Variants in MYO10 observed in about 807,000 individuals in gnomAD.
The protein encoded by MYO10 is unconventional myosin-X.
Under a neutral mutation model 257.3 loss-of-function variants are expected in MYO10, and 133 were observed. The observed-to-expected ratio is 0.52, with a 90% CI of 0.45 to 0.60. MYO10 has a LOEUF of 0.60. Among genes scored for constraint, MYO10 ranks in the 20% least tolerant of loss-of-function variants. The pLI is 0.00. For synonymous variants in MYO10, 1,104 were observed against 1,028.6 expected, an observed-to-expected ratio of 1.07 and a Z score of -1.40; for missense variants, 2,399 against 2,635.7, an observed-to-expected ratio of 0.91 and a Z score of 1.97.
chr5:16,796,442 C>CAGAAAGAAAGAAAGAAAGAAAGAAAGAA (rs70943805), intron 3 of MYO10, among the ~76,000 whole-genome samples: 11 of 120,762 alleles, frequency 9.1e-5, no homozygotes, highest in Admixed American at 8.4e-5. Flanking sequence ...AAAAGAAAGA[C>CAGAAAGAAAGAAAGAAAGAAAGAAAGAA]AGAAAGAAAG....
intron 29 of MYO10, among the ~76,000 whole-genome samples, chr5:16,684,506 A>C (rs1453817412): frequency 6.6e-6 from 1 of 152,206 alleles, no homozygotes; most frequent in Non-Finnish European, 1.5e-5. Context: ...GGCCTCCCAA[A>C]GTATTGGGAT....
At chr5:16,778,727 G>C (rs889985503) in intron 9 of MYO10, among the ~76,000 whole-genome samples, 3 of 130,750 alleles carry the variant, frequency 2.3e-5, no homozygotes, top group African/African-American at 9.0e-5. Context: ...GAGTCTCGCT[G>C]TCTCCCAGGC....
At chr5:16,835,268 G>T (rs1054296748) in intron 2 of MYO10, among the ~76,000 whole-genome samples, 4 of 151,964 alleles carry the variant, frequency 2.6e-5, no homozygotes, top group African/African-American at 2.4e-5. Context: ...TGGCGTGGTG[G>T]CTCATGCCTG....
At chr5:16,809,686 A>G (rs1191673920) in intron 3 of MYO10, among the ~76,000 whole-genome samples, 4 of 152,248 alleles carry the variant, frequency 2.6e-5, no homozygotes, top group African/African-American at 4.8e-5. Flanking sequence ...TTTTTGAAAC[A>G]TCTAAAAATA....
intron 33 of MYO10, among the ~76,000 whole-genome samples, chr5:16,677,439 G>A (rs1472030788): frequency 1.2e-3 from 77 of 62,688 alleles, no homozygotes; most frequent in African/African-American, 4.2e-3. Flanking sequence ...TTTTTGAGAC[G>A]GAGTCTTGCT....
At chr5:16,797,950 C>G (rs1354270289) in intron 3 of MYO10, among the ~76,000 whole-genome samples, 1 of 152,218 alleles carries the variant, frequency 6.6e-6, no homozygotes, top group Non-Finnish European at 1.5e-5. Context: ...AAGGTAAGAG[C>G]TGATTATGTC....
At chr5:16,748,292 G>T (rs10057331) in intron 19 of MYO10, among the ~76,000 whole-genome samples, 1 of 151,796 alleles carries the variant, frequency 6.6e-6, no homozygotes, top group Non-Finnish European at 1.5e-5. Context: ...TCACCCAGGC[G>T]GGAGTGCAGT....
intron 10 of MYO10, among the ~76,000 whole-genome samples, chr5:16,767,153 G>C (rs1178759648): frequency 6.8e-6 from 1 of 147,084 alleles, no homozygotes; most frequent in Non-Finnish European, 1.5e-5. Context: ...GAAGAGATAT[G>C]ACAACCCAAC....
Position 16,877,650 on chromosome 5 carries a change from A to G in MYO10, c.79T>C (p.Cys27Arg). ...CGGAAGACGACGATGCCTTCTGCAC[A>G]GGAATTTACAGTACTTGGAAAATGC... The part of the protein sequence containing the change: ...GQHFPSTVNS[C>R]AEGIVVFRTD... The change falls in exon 2 of 41, where the codon TGT becomes CGT. Residue 27 changes from cysteine to arginine, a missense_variant. This residue lies in a region of MYO10 where 242 missense variants were observed against 249.5 expected (regional missense o/e 0.97). Coordinates refer to ENST00000513610, the MANE Select transcript of MYO10 (RefSeq NM_012334.3). 1 of 1,613,932 alleles carries G rather than the reference A, an allele frequency of 6.2e-7. No homozygotes were observed. Among genetic ancestry groups the G allele is most frequent in the Non-Finnish European group, 8.5e-7 (1 of 1,179,878 alleles).
chr5:16,794,070 C>T (rs1741855245), intron 4 of MYO10, among the ~76,000 whole-genome samples: 1 of 151,870 alleles, frequency 6.6e-6, no homozygotes, highest in African/African-American at 2.4e-5. Context: ...CCTTCTCACC[C>T]ACTAAAAAAA....
intron 25 of MYO10, 81 bp from the exon 26 acceptor site, chr5:16,699,654 G>GA: frequency 1.9e-6 from 3 of 1,579,080 alleles, no homozygotes; most frequent in Non-Finnish European, 2.6e-6. Context: ...TATCATCATT[G>GA]AAAAAATACA....
chr5:16,724,859 T>C (rs1579911045), intron 19 of MYO10, among the ~76,000 whole-genome samples: 1 of 152,150 alleles, frequency 6.6e-6, no homozygotes, highest in East Asian at 1.9e-4. Context: ...AGGAAGACCA[T>C]TCGTACTAGT....
chr5:16,680,211 TA>T (rs376533146), intron 32 of MYO10, 107 bp from the exon 33 acceptor site: 3 of 1,329,682 alleles, frequency 2.3e-6, no homozygotes, highest in South Asian at 1.5e-5. Context: ...TTCAATTCAA[TA>T]GACACTGGCT....
At chr5:16,923,663 T>TACACACACACACACACAC (rs60949830) in intron 1 of MYO10, among the ~76,000 whole-genome samples, 72 of 140,718 alleles carry the variant, frequency 5.1e-4, no homozygotes, top group African/African-American at 1.9e-3. Context: ...AACACGCCCA[T>TACACACACACACACACAC]ACACACACAC....
intron 1 of MYO10, among the ~76,000 whole-genome samples, chr5:16,924,541 C>T (rs531311690): frequency 2.6e-5 from 4 of 152,132 alleles, no homozygotes; most frequent in Non-Finnish European, 5.9e-5. Flanking sequence ...GGAAATTTTA[C>T]TCCTCAGGAA....
At chr5:16,668,489 G>A (rs1296431053) in intron 39 of MYO10, 21 bp from the exon 40 acceptor site, 2 of 1,577,216 alleles carry the variant, frequency 1.3e-6, no homozygotes. Flanking sequence ...AGAGTCAACA[G>A]AAGAGTTAAG....
intron 19 of MYO10, among the ~76,000 whole-genome samples, chr5:16,718,402 G>C (rs1044926073): frequency 4.6e-5 from 7 of 152,342 alleles, no homozygotes; most frequent in Admixed American, 1.3e-4. Flanking sequence ...ACTAGGTGAA[G>C]CCAGCTGGGC....
chr5:16,867,755 G>C (rs1371204656), intron 2 of MYO10, among the ~76,000 whole-genome samples: 1 of 152,150 alleles, frequency 6.6e-6, no homozygotes, highest in African/African-American at 2.4e-5. Flanking sequence ...GACTCTCTTA[G>C]CAGGTGGGAA....
At chr5:16,832,636 T>A (rs1743193895) in intron 2 of MYO10, among the ~76,000 whole-genome samples, 1 of 152,156 alleles carries the variant, frequency 6.6e-6, no homozygotes, top group Non-Finnish European at 1.5e-5. Context: ...TGACCTCATG[T>A]CCCGGTCTTA....
Sources: gnomAD v4.1 joint callset for allele counts (sites outside exome capture counted in the v4.1 genomes callset) on GRCh38, gnomAD v4.1.1 for gene constraint, gnomAD v4.1.1 regional missense constraint, MANE v1.5 for transcripts, NCBI Gene and HGNC (gene_info 2026-07-23, HGNC 2026-07-21) for gene names.